Variants in REEP5 observed in about 807,000 individuals in gnomAD.
The protein encoded by REEP5 is receptor accessory protein 5.
In REEP5, 24 loss-of-function variants were observed where a neutral mutation model predicts 22.4. That is an observed-to-expected ratio of 1.07 (90% CI 0.78 to 1.51). The LOEUF (loss-of-function observed/expected upper bound fraction) is 1.51, where lower values mean the gene tolerates loss of function less well. Ranked by LOEUF, REEP5 falls within the 40% of genes most tolerant of loss-of-function variation. The probability of loss-of-function intolerance (pLI) is 0.00; values close to 1 mark genes in which losing one functional copy is unlikely to be tolerated. For missense variants in REEP5, 252 were observed against 233.0 expected (o/e 1.08, Z -0.53); for synonymous variants, 103 against 88.6 (o/e 1.16, Z -0.92).
intron 4 of REEP5, among the ~76,000 whole-genome samples, chr5:112,880,108 C>A (rs1580726419): frequency 6.6e-6 from 1 of 152,176 alleles, no homozygotes; most frequent in East Asian, 1.9e-4. Flanking sequence ...CAAGACACTA[C>A]ATTCATCAAG....
intron 3 of REEP5, among the ~76,000 whole-genome samples, chr5:112,899,885 T>TA (rs1430426635): frequency 6.6e-6 from 1 of 152,250 alleles, no homozygotes; most frequent in Non-Finnish European, 1.5e-5. Context: ...TCAGAAACTC[T>TA]AAAATCTAAA....
intron 3 of REEP5, chr5:112,893,737 GCA>G (rs1768581012): frequency 6.6e-6 from 1 of 152,232 alleles, no homozygotes; most frequent in African/African-American, 2.4e-5. Context: ...TCAGCCTTCT[GCA>G]CACACACAAT....
rs1769351912 is a variant in REEP5, at chr5:112,921,179, A to G, written c.196T>C (p.Tyr66His). 1 of 1,614,000 alleles carries G rather than the reference A, an allele frequency of 6.2e-7. No homozygotes were observed. The highest frequency in any genetic ancestry group is 1.3e-5 in the African/African-American group (1 of 74,918). Reference protein sequence around the residue: ...SLLCNLIGFGYPAYISIKAIE... With the variant: ...SLLCNLIGFGHPAYISIKAIE... ...GTCACTTACGAGATGTAGGCTGGGT[A>G]GCCAAATCCTATCAGGTTGCAGAGG... The change falls in exon 2 of 5, where the codon TAC (tyrosine) becomes CAC (histidine). Residue 66 changes from tyrosine to histidine, a missense_variant. Physicochemically the swap from Tyr to His is moderately conservative, Grantham distance 83 (BLOSUM62 2). Coordinates refer to ENST00000379638, the MANE Select transcript of REEP5 (RefSeq NM_005669.5).
intron 4 of REEP5, among the ~76,000 whole-genome samples, chr5:112,884,544 A>G (rs1274628608): frequency 6.6e-6 from 1 of 151,884 alleles, no homozygotes; most frequent in Non-Finnish European, 1.5e-5. Flanking sequence ...CGTCCGGCTA[A>G]TTTTTAAATT....
chr5:112,887,078 C>A lies in REEP5; in HGVS notation c.457G>T (p.Asp153Tyr). The A allele has an allele frequency of 6.2e-7, 1 of 1,613,760 alleles. No individual in the cohort carries two copies. Among genetic ancestry groups the A allele is most frequent in the Non-Finnish European group, 8.5e-7 (1 of 1,179,890 alleles). Residue 153 changes from aspartate (D) to tyrosine (Y), a missense_variant, in exon 4 of 5, where the codon GAC (aspartate) becomes TAC (tyrosine). Physicochemically the swap from Asp to Tyr is radical, Grantham distance 160 (BLOSUM62 -3). Transcript: ENST00000379638. ...TCTTTAAGGTCCTTGACCACACTGT[C>A]CATCTGGGACTCGTGCTTCAGGAAG... The part of the protein sequence containing the change: ...PFFLKHESQM[D>Y]SVVKDLKDKA...
At chr5:112,912,356 T>G (rs2150047241) in intron 2 of REEP5, among the ~76,000 whole-genome samples, 1 of 152,326 alleles carries the variant, frequency 6.6e-6, no homozygotes, top group South Asian at 2.1e-4. Context: ...CAGCATTGGC[T>G]TTATTATTCA....
At chr5:112,903,525 C>T (rs1348060391) in intron 2 of REEP5, among the ~76,000 whole-genome samples, 1 of 152,126 alleles carries the variant, frequency 6.6e-6, no homozygotes, top group Non-Finnish European at 1.5e-5. Context: ...CAGAAATTGC[C>T]ACTAAAAACT....
chr5:112,893,447 C>T (rs1229358486), intron 3 of REEP5: 1 of 174,364 alleles, frequency 5.7e-6, no homozygotes, highest in Non-Finnish European at 1.2e-5. Flanking sequence ...ACTACACAGC[C>T]TGCTTTCCAT....
intron 3 of REEP5, among the ~76,000 whole-genome samples, chr5:112,891,132 G>A (rs1273521349): frequency 2.0e-5 from 3 of 151,524 alleles, no homozygotes; most frequent in African/African-American, 7.3e-5. Context: ...GAGTGTAGTG[G>A]CACAGTCTTG....
chr5:112,890,140 T>A (rs940671670), intron 3 of REEP5, among the ~76,000 whole-genome samples: 5 of 149,948 alleles, frequency 3.3e-5, no homozygotes, highest in African/African-American at 1.2e-4. Flanking sequence ...AAAAATAAAT[T>A]TAAAATTAGC....
intron 2 of REEP5, among the ~76,000 whole-genome samples, chr5:112,918,153 T>A (rs1404082392): frequency 6.6e-6 from 1 of 152,182 alleles, no homozygotes. Flanking sequence ...GAATTGCCTA[T>A]ATAAGATGGC....
Position 112,878,134 on chromosome 5 carries a change from C to A in REEP5, c.*652G>T, listed in dbSNP as rs759372526. 7 of 152,466 alleles carry A rather than the reference C, an allele frequency of 4.6e-5. No individual in the cohort carries two copies. Among genetic ancestry groups the A allele is most frequent in the Admixed American group, 4.6e-4 (7 of 15,260 alleles). 9.4% of individuals were successfully genotyped at this position (152,466 alleles called of 1,614,324 possible). A position where few individuals can be genotyped will look rare whatever the true frequency, so the allele number is the denominator to read the frequency against. ...GGAAACAACCAGGCCAATCTCCATT[C>A]GATTTCATTTCTCACTTTGTTCACT... On this transcript the variant is annotated 3_prime_UTR_variant, in exon 5 of 5. Coordinates refer to ENST00000379638, the MANE Select transcript of REEP5 (RefSeq NM_005669.5).
At chr5:112,891,560 G>C in intron 3 of REEP5, 1 of 1,542,540 alleles carries the variant, frequency 6.5e-7, no homozygotes, top group Non-Finnish European at 8.8e-7. Flanking sequence ...TAGAATCACT[G>C]ACAGTGGCAG....
chr5:112,903,825 C>T (rs1175218866), intron 2 of REEP5, among the ~76,000 whole-genome samples: 1 of 152,202 alleles, frequency 6.6e-6, no homozygotes, highest in Non-Finnish European at 1.5e-5. Context: ...TTGCTTTGAA[C>T]TTCAAGACTA....
chr5:112,885,388 G>A (rs531352107), intron 4 of REEP5: 3 of 183,608 alleles, frequency 1.6e-5, no homozygotes, highest in African/African-American at 2.4e-5. Context: ...GCATGGACTC[G>A]TAGTTGAGAA....
chr5:112,889,105 C>A (rs1768351556), intron 3 of REEP5, among the ~76,000 whole-genome samples: 1 of 150,872 alleles, frequency 6.6e-6, no homozygotes, highest in Non-Finnish European at 1.5e-5. Flanking sequence ...GTCTCCACAA[C>A]CATGTGGAAC....
chr5:112,879,243 A>G (rs1767989910), intron 4 of REEP5, among the ~76,000 whole-genome samples: 1 of 148,150 alleles, frequency 6.7e-6, no homozygotes. Context: ...CAACTAGGTC[A>G]TCATATTTAT....
At position 112,887,010 on chromosome 5, in the gene REEP5, C is replaced by A; in HGVS notation, c.520+5G>T. The A allele has an allele frequency of 6.3e-7, 1 of 1,594,878 alleles. No individual in the cohort carries two copies. Among genetic ancestry groups the A allele is most frequent in the South Asian group, 1.1e-5 (1 of 89,936 alleles). On this transcript the variant is annotated splice_donor_5th_base_variant and intron_variant, in intron 4 of 4. Transcript: ENST00000379638. ...ATGTGGGGCCATCTTGTTCCTGAGT[C>A]TTACCTTCTTTAGTGATGGCATCTG...
rs1554093939 is a variant in REEP5 at position 112,897,351 on chromosome 5, T to TCACACACGCACA, written c.351+5028_351+5029insTGTGCGTGTGTG. 1.7e-4 allele frequency: 17 copies of TCACACACGCACA among 97,820 alleles called. No homozygotes were observed. In the East Asian group the frequency reaches 3.8e-3, roughly 22 times the overall value. The allele number at this position is 97,820 out of a possible 1,614,324, so 6.1% of individuals were successfully genotyped here. On this transcript the variant is annotated intron_variant, in intron 3 of 4. Coordinates refer to ENST00000379638, the MANE Select transcript of REEP5 (RefSeq NM_005669.5). Reference sequence around the variant, plus strand: ...TCCTCCCTACATAAAACACATCCCATCACACACACACACACACACACACAC... The same window carrying TCACACACGCACA: ...TCCTCCCTACATAAAACACATCCCATCACACACGCACACACACACACACACACACACACACAC...
Sources: gnomAD v4.1 joint callset for allele counts (sites outside exome capture counted in the v4.1 genomes callset) on GRCh38, gnomAD v4.1.1 for gene constraint, MANE v1.5 for transcripts, NCBI Gene and HGNC (gene_info 2026-07-23, HGNC 2026-07-21) for gene names.